The following CLNK variants were observed in gnomAD, a reference collection of about 807,000 sequenced individuals.
The protein encoded by CLNK is cytokine dependent hematopoietic cell linker.
Under a neutral mutation model 68.6 loss-of-function variants are expected in CLNK, and 74 were observed. The observed-to-expected ratio is 1.08, with a 90% CI of 0.89 to 1.31. CLNK has a LOEUF of 1.31. CLNK is among the 50% of genes most tolerant of loss of function. CLNK has a pLI of 0.00. For synonymous variants in CLNK, 198 were observed against 172.2 expected (o/e 1.15, Z -1.17); for missense variants, 553 against 515.3 (o/e 1.07, Z -0.71).
the CLNK span, among the ~76,000 whole-genome samples, chr4:10,695,942 G>A: frequency 6.6e-6 from 1 of 150,854 alleles, no homozygotes; most frequent in Non-Finnish European, 1.5e-5. Flanking sequence ...TGCAACCTCT[G>A]CCTCCCGGGT....
At chr4:10,526,969 T>C (rs1718346109) in intron 13 of CLNK, among the ~76,000 whole-genome samples, 1 of 152,216 alleles carries the variant, frequency 6.6e-6, no homozygotes, top group African/African-American at 2.4e-5. Context: ...GTTTTAATTG[T>C]GCTTGTTGCT....
Position 10,658,337 on chromosome 4 carries a change from T to C in CLNK, c.11+9522A>G, listed in dbSNP as rs145703128. 1.5e-3 allele frequency among the ~76,000 whole-genome samples: 229 copies of C among 152,360 alleles called. 5 individuals are homozygous for C. Among genetic ancestry groups the C allele is most frequent in the Non-Finnish European group, 1.8e-3 (120 of 68,038 alleles). ...ATATCTAACAGCAAAGGCCCTTGCA[T>C]GAAGCAATGATTGTGATGATGATAT... On this transcript the variant is annotated intron_variant, in intron 2 of 18. Coordinates refer to ENST00000226951, the MANE Select transcript of CLNK (RefSeq NM_052964.4).
At chr4:10,671,366 A>G (rs1724629211) in intron 1 of CLNK, among the ~76,000 whole-genome samples, 1 of 145,160 alleles carries the variant, frequency 6.9e-6, no homozygotes, top group Non-Finnish European at 1.5e-5. Flanking sequence ...AGCCTGGGCA[A>G]CAAGAGTGAA....
chr4:10,724,065 G>C, the CLNK span, among the ~76,000 whole-genome samples: 169 of 152,256 alleles, frequency 1.1e-3, 1 homozygote, highest in African/African-American at 3.7e-3. Flanking sequence ...ACCAAGAGTC[G>C]ACGGGGTTGG....
intron 3 of CLNK, among the ~76,000 whole-genome samples, chr4:10,586,062 T>C (rs1237044807): frequency 6.6e-6 from 1 of 151,914 alleles, no homozygotes; most frequent in African/African-American, 2.4e-5. Context: ...CACGGTAGGG[T>C]TTGTGCTCCT....
At chr4:10,584,250 AC>A (rs1271517949) in intron 4 of CLNK, among the ~76,000 whole-genome samples, 1 of 152,030 alleles carries the variant, frequency 6.6e-6, no homozygotes, top group East Asian at 1.9e-4. Context: ...CTATAGTGAA[AC>A]TTTCAAATGC....
chr4:10,661,518 C>T (rs1238596155), intron 2 of CLNK, among the ~76,000 whole-genome samples: 2 of 152,114 alleles, frequency 1.3e-5, no homozygotes, highest in African/African-American at 4.8e-5. Context: ...GAAACTTGTT[C>T]TTATGTGGCA....
At chr4:10,507,068 G>A (rs1048783543) in intron 17 of CLNK, among the ~76,000 whole-genome samples, 2 of 151,654 alleles carry the variant, frequency 1.3e-5, no homozygotes, top group Admixed American at 6.6e-5. Flanking sequence ...GCCTCCAAAA[G>A]TGCTGGGATT....
rs898963488 is a variant in CLNK, at chr4:10,488,976, T to C, written c.*1491A>G. The C allele has an allele frequency of 6.6e-6, 1 of 152,218 alleles. No homozygotes were observed. Among genetic ancestry groups the C allele is most frequent in the Non-Finnish European group, 1.5e-5 (1 of 68,040 alleles). The allele number at this position is 152,218 out of a possible 1,614,324, so 9.4% of individuals were successfully genotyped here. A position where few individuals can be genotyped will look rare whatever the true frequency, so the allele number is the denominator to read the frequency against. On this transcript the variant is annotated 3_prime_UTR_variant, in exon 19 of 19. Transcript: ENST00000226951. ...TTATTTTCGACAGACAGTATGTTTTTTAAAAAAGCTTATTCCCACTAGAAG... is the reference window on the plus strand; with the variant it reads ...TTATTTTCGACAGACAGTATGTTTTCTAAAAAAGCTTATTCCCACTAGAAG...
intron 8 of CLNK, among the ~76,000 whole-genome samples, chr4:10,550,297 T>C (rs1012272765): frequency 6.6e-6 from 1 of 152,068 alleles, no homozygotes; most frequent in Non-Finnish European, 1.5e-5. Flanking sequence ...ATCGAGACCA[T>C]CCTGGCTAAC....
chr4:10,518,247 A>G (rs911598394), intron 15 of CLNK, among the ~76,000 whole-genome samples: 2 of 152,186 alleles, frequency 1.3e-5, no homozygotes, highest in Admixed American at 1.3e-4. Context: ...ATTCTTATGC[A>G]TTATAGATTA....
At chr4:10,651,776 C>A (rs1352109453) in intron 2 of CLNK, among the ~76,000 whole-genome samples, 1 of 151,876 alleles carries the variant, frequency 6.6e-6, no homozygotes, top group African/African-American at 2.4e-5. Context: ...GATCAGAATT[C>A]AAGTGTTGAA....
the CLNK span, among the ~76,000 whole-genome samples, chr4:10,722,362 C>T: frequency 6.6e-6 from 1 of 152,160 alleles, no homozygotes; most frequent in Non-Finnish European, 1.5e-5. Flanking sequence ...ATGGCTCCAA[C>T]ATCCCCTTCC....
chr4:10,704,915 A>C, the CLNK span, among the ~76,000 whole-genome samples: 1 of 152,222 alleles, frequency 6.6e-6, no homozygotes, highest in Non-Finnish European at 1.5e-5. Flanking sequence ...TTCCTCTCTT[A>C]AATTCAGTCC....
At chr4:10,515,169 C>A (rs978791452) in intron 15 of CLNK, among the ~76,000 whole-genome samples, 1 of 152,016 alleles carries the variant, frequency 6.6e-6, no homozygotes, top group African/African-American at 2.4e-5. Flanking sequence ...GCCTGGGAAG[C>A]GGAGGTTGCA....
intron 1 of CLNK, among the ~76,000 whole-genome samples, chr4:10,678,213 T>C (rs554063992): frequency 6.6e-6 from 1 of 152,346 alleles, no homozygotes; most frequent in African/African-American, 2.4e-5. Context: ...CAGTGAATTG[T>C]ACAACTTGAG....
the CLNK span, among the ~76,000 whole-genome samples, chr4:10,720,676 T>C: frequency 1.7e-5 from 1 of 59,922 alleles, no homozygotes; most frequent in Non-Finnish European, 4.5e-5. Context: ...CAAAAATGCA[T>C]ACAAAAAAAA....
At chr4:10,634,153 A>G (rs1450827414) in intron 2 of CLNK, among the ~76,000 whole-genome samples, 2 of 152,190 alleles carry the variant, frequency 1.3e-5, no homozygotes, top group Non-Finnish European at 2.9e-5. Context: ...CAGAGAAGAG[A>G]AACAGAGTCC....
chr4:10,583,345 G>GGGGT (rs1720855641), intron 4 of CLNK, among the ~76,000 whole-genome samples: 2 of 152,068 alleles, frequency 1.3e-5, no homozygotes, highest in Admixed American at 1.3e-4. Context: ...GGAGTGCAGT[G>GGGGT]GGGTGATCTG....
Sources: allele counts gnomAD v4.1 joint callset (sites outside exome capture counted in the v4.1 genomes callset), GRCh38; gene constraint gnomAD v4.1.1; transcripts MANE v1.5; gene names NCBI Gene and HGNC (gene_info 2026-07-23, HGNC 2026-07-21).